Variants in GLB1L3 observed in about 807,000 individuals in gnomAD.
GLB1L3 encodes galactosidase beta 1 like 3.
A neutral mutation model predicts 89.5 loss-of-function variants in GLB1L3; 89 were observed. That is an observed-to-expected ratio of 0.99 (90% CI 0.84 to 1.19). GLB1L3 has a LOEUF of 1.19. Among genes scored for constraint, GLB1L3 ranks in the 50% most tolerant of loss-of-function variants. The pLI, the probability that GLB1L3 is intolerant of heterozygous loss-of-function variation, is 0.00. For synonymous variants in GLB1L3, 314 were observed against 312.3 expected (o/e 1.01, Z -0.06); for missense variants, 812 against 813.3 (o/e 1.00, Z 0.02).
rs376664806 is a variant in GLB1L3, at chr11:134,283,981, A to G, written c.636+136A>G. 1.4e-4 allele frequency: 92 copies of G among 635,704 alleles called. No individual in the cohort carries two copies. The East Asian group carries it at 2.1e-3, about 14-fold the overall frequency. The allele number at this position is 635,704 out of a possible 1,614,324, so 39.4% of individuals were successfully genotyped here. On this transcript the variant is annotated intron_variant, in intron 6 of 19. Transcript: ENST00000431683. ...ACTTTCTTGTAACCTTGAGTTCTGG[A>G]CCCTTGGCTTGAGGACAGAAGCACT...
chr11:134,297,859 C>CAA (rs34354899), intron 9 of GLB1L3, among the ~76,000 whole-genome samples: 27 of 100,970 alleles, frequency 2.7e-4, no homozygotes, highest in South Asian at 5.9e-4. Context: ...GACTCTGTCT[C>CAA]AAAAAAAAAA....
At position 134,293,446 on chromosome 11, in the gene GLB1L3, G is replaced by A. The variant is rs1174063567; in HGVS notation, c.876+237G>A. On this transcript the variant is annotated intron_variant, in intron 9 of 19. Transcript: ENST00000431683. ...CATGGAGATGAGTGGGAAGGGCGAG[G>A]GGTGGTGGGAATCAGAGGGAGACAA... Among the ~76,000 whole-genome samples the A allele has an allele frequency of 3.3e-5, 5 of 152,106 alleles. No individual in the cohort carries two copies. The East Asian group carries it at 9.7e-4, about 29-fold the overall frequency.
downstream of GLB1L3, among the ~76,000 whole-genome samples, chr11:134,320,407 G>A (rs1243163698): frequency 1.3e-5 from 2 of 152,106 alleles, no homozygotes; most frequent in Non-Finnish European, 2.9e-5. Context: ...AAACTGCAAT[G>A]TAAAGGAGGG....
At chr11:134,314,536 C>G in intron 18 of GLB1L3, 95 bp downstream of exon 18, 2 of 779,194 alleles carry the variant, frequency 2.6e-6, no homozygotes, top group Non-Finnish European at 2.2e-6. Flanking sequence ...GGAATACTTC[C>G]CTTTCTTCTT....
intron 10 of GLB1L3, among the ~76,000 whole-genome samples, chr11:134,308,054 C>T (rs1448532651): frequency 6.6e-6 from 1 of 151,728 alleles, no homozygotes; most frequent in African/African-American, 2.4e-5. Context: ...CCACTATTAC[C>T]ACCAATAACA....
At position 134,276,737 on chromosome 11, in the gene GLB1L3, C is replaced by G. The variant is rs1940385881; in HGVS notation, c.-4C>G. Reference sequence around the variant, plus strand: ...GGGACCCTCGGCGCCTCGGCCTGGCCGCGATGAAGTCCCCGCCCCTCCTCA... The same window carrying G: ...GGGACCCTCGGCGCCTCGGCCTGGCGGCGATGAAGTCCCCGCCCCTCCTCA... On this transcript the variant is annotated 5_prime_UTR_variant, in exon 1 of 20. Coordinates refer to ENST00000431683, the MANE Select transcript of GLB1L3 (RefSeq NM_001080407.3). 6.9e-7 allele frequency: 1 copy of G among 1,450,774 alleles called. No individual in the cohort carries two copies. Among genetic ancestry groups the G allele is most frequent in the Non-Finnish European group, 9.1e-7 (1 of 1,103,608 alleles). The allele number at this position is 1,450,774 out of a possible 1,614,324, so 89.9% of individuals were successfully genotyped here.
At chr11:134,300,606 T>A (rs1004977030) in intron 9 of GLB1L3, among the ~76,000 whole-genome samples, 2 of 152,080 alleles carry the variant, frequency 1.3e-5, no homozygotes, top group Non-Finnish European at 2.9e-5. Context: ...AGTGCTGGGA[T>A]TACAGGCGTG....
intron 12 of GLB1L3, 136 bp from the exon 13 acceptor site, chr11:134,310,928 G>A (rs1942699954): frequency 1.4e-6 from 1 of 696,466 alleles, no homozygotes; most frequent in Non-Finnish European, 2.5e-6. Context: ...GTTACTCTTT[G>A]TAAAGCTCTT....
chr11:134,283,826 C>T lies in GLB1L3; in HGVS notation c.617C>T (p.Pro206Leu), dbSNP rs760593162. 2.5e-6 allele frequency: 4 copies of T among 1,607,710 alleles called. No individual in the cohort carries two copies. The highest frequency in any genetic ancestry group is 1.3e-5 in the African/African-American group (1 of 74,888). The change falls in exon 6 of 20, where the codon CCC (proline) becomes CTC (leucine). Residue 206 changes from proline to leucine, a missense_variant. Around this residue, in one of 3 missense-constraint regions of GLB1L3, gnomAD observed 618 missense variants for 604.0 expected, o/e 1.02. Coordinates refer to ENST00000431683, the MANE Select transcript of GLB1L3 (RefSeq NM_001080407.3). ...GAGAAGTATTTTGACCACCTGATTC[C>T]CAGAGTGATTCCTCTCCAGGTAAAG... is the stretch of plus-strand genomic sequence containing the variant. ...AVEKYFDHLI[P>L]RVIPLQYRQA... is the part of the protein sequence containing the mutation.
intron 5 of GLB1L3, 108 bp from the exon 6 acceptor site, chr11:134,283,627 GGT>G: frequency 1.6e-6 from 1 of 620,662 alleles, no homozygotes. Flanking sequence ...CGGGACCGGG[GGT>G]GTGAGGCAGC....
intron 11 of GLB1L3, chr11:134,310,062 A>C (rs1942647611): frequency 2.2e-6 from 1 of 459,188 alleles, no homozygotes; most frequent in South Asian, 2.8e-5. Flanking sequence ...CTGTAAAGGC[A>C]CAGACCTGCA....
At chr11:134,291,746 G>A (rs906286314) in intron 7 of GLB1L3, among the ~76,000 whole-genome samples, 6 of 152,264 alleles carry the variant, frequency 3.9e-5, no homozygotes, top group Admixed American at 2.0e-4. Flanking sequence ...AGTACAAGGC[G>A]GGAGGCTCAC....
At chr11:134,282,834 A>G (rs1940772027) in intron 5 of GLB1L3, among the ~76,000 whole-genome samples, 1 of 152,118 alleles carries the variant, frequency 6.6e-6, no homozygotes, top group African/African-American at 2.4e-5. Context: ...CAGGATGAAG[A>G]GAGAGGTCTT....
At chr11:134,313,343 G>A in intron 15 of GLB1L3, 53 bp from the exon 16 acceptor site, 3 of 1,436,628 alleles carry the variant, frequency 2.1e-6, no homozygotes, top group Non-Finnish European at 1.9e-6. Flanking sequence ...CGGGTTGTCG[G>A]GTAGACGCCC....
intron 11 of GLB1L3, chr11:134,310,348 G>C (rs1942662482): frequency 3.7e-6 from 2 of 545,748 alleles, no homozygotes; most frequent in South Asian, 5.5e-5. Context: ...GTGAAGAAGT[G>C]GGGGCAAGCC....
In GLB1L3 at chr11:134,319,141, A is replaced by G; in HGVS notation, c.*199A>G. ...GGCTAATTTTTTGTATTTTTAGTAGAGATGGGGTTTCACCAAGTTAGCCAG... is the reference window on the plus strand; with the variant it reads ...GGCTAATTTTTTGTATTTTTAGTAGGGATGGGGTTTCACCAAGTTAGCCAG... On this transcript the variant is annotated 3_prime_UTR_variant, in exon 20 of 20. Coordinates refer to ENST00000431683, the MANE Select transcript of GLB1L3 (RefSeq NM_001080407.3). The G allele has an allele frequency of 1.9e-6, 1 of 526,108 alleles. No individual in the cohort carries two copies. The highest frequency in any genetic ancestry group is 3.3e-5 in the East Asian group (1 of 30,138). The allele number at this position is 526,108 out of a possible 1,614,324, so 32.6% of individuals were successfully genotyped here. A position where few individuals can be genotyped will look rare whatever the true frequency, so the allele number is the denominator to read the frequency against.
At chr11:134,285,727 G>A (rs1940944745) in intron 6 of GLB1L3, among the ~76,000 whole-genome samples, 1 of 152,134 alleles carries the variant, frequency 6.6e-6, no homozygotes, top group African/African-American at 2.4e-5. Context: ...ACCTGAGATC[G>A]TGCCTCTGAA....
Position 134,283,798 on chromosome 11 carries a change from G to T in GLB1L3, c.589G>T (p.Val197Phe), listed in dbSNP as rs1940837882. The change falls in exon 6 of 20, where the codon GTT becomes TTT. Residue 197 changes from valine (V) to phenylalanine (F), a missense_variant. Val to Phe is a conservative substitution (Grantham distance 50, BLOSUM62 -1). Coordinates refer to ENST00000431683, the MANE Select transcript of GLB1L3 (RefSeq NM_001080407.3). ...RTTNKSFIEA[V>F]EKYFDHLIPR... Reference sequence around the variant, plus strand: ...AACCAACAAGAGCTTCATTGAAGCAGTTGAGAAGTATTTTGACCACCTGAT... The same window carrying T: ...AACCAACAAGAGCTTCATTGAAGCATTTGAGAAGTATTTTGACCACCTGAT... 16 of 1,613,144 alleles carry T rather than the reference G, an allele frequency of 9.9e-6. No individual in the cohort carries two copies. Among genetic ancestry groups the T allele is most frequent in the Non-Finnish European group, 1.4e-5 (16 of 1,179,516 alleles).
the GLB1L3 span, among the ~76,000 whole-genome samples, chr11:134,324,891 ATTAC>A: frequency 1.4e-4 from 21 of 152,152 alleles, 1 homozygote; most frequent in East Asian, 9.6e-4. Flanking sequence ...ATATATATTT[ATTAC>A]TTATACATTT....
Sources: gnomAD v4.1 joint callset for allele counts (sites outside exome capture counted in the v4.1 genomes callset) on GRCh38, gnomAD v4.1.1 for gene constraint, gnomAD v4.1.1 regional missense constraint, MANE v1.5 for transcripts, NCBI Gene and HGNC (gene_info 2026-07-23, HGNC 2026-07-21) for gene names.